The following ADAP1 variants were observed in gnomAD, a reference collection of about 807,000 sequenced individuals.
The protein encoded by ADAP1 is arf-GAP with dual PH domain-containing protein 1.
Under a neutral mutation model 54.9 loss-of-function variants are expected in ADAP1, and 31 were observed. The observed-to-expected ratio is 0.56, with a 90% CI of 0.42 to 0.76. The LOEUF (loss-of-function observed/expected upper bound fraction) is 0.76. ADAP1 is among the 30% of genes least tolerant of loss of function. The probability of loss-of-function intolerance (pLI) is 0.00; values close to 1 mark genes in which losing one functional copy is unlikely to be tolerated. For missense variants in ADAP1, 535 were observed against 512.4 expected (o/e 1.04, Z -0.42); for synonymous variants, 313 against 202.6 (o/e 1.55, Z -4.63).
chr7:924,140 G>A (rs373500900), intron 3 of ADAP1, among the ~76,000 whole-genome samples: 477 of 25,140 alleles, frequency 0.019, 2 homozygotes, highest in East Asian at 0.031. Flanking sequence ...CCCGCCCTCC[G>A]GGTTACACTG....
chr7:904,949 GGGCA>G (rs1404950684), intron 5 of ADAP1, 107 bp downstream of exon 5: 32 of 804,010 alleles, frequency 4.0e-5, no homozygotes, highest in Non-Finnish European at 5.8e-5. Flanking sequence ...CCATCGGGGG[GGGCA>G]GCAGGGAGGG....
At position 913,178 on chromosome 7, in the gene ADAP1, C is replaced by G. The variant is rs1466285586; in HGVS notation, c.388+6790G>C. Among the ~76,000 whole-genome samples, 8 of 149,482 alleles carry G rather than the reference C, an allele frequency of 5.4e-5. No individual in the cohort carries two copies. The East Asian group carries it at 1.6e-3, about 30-fold the overall frequency. On this transcript the variant is annotated intron_variant, in intron 4 of 10. Coordinates refer to ENST00000265846, the MANE Select transcript of ADAP1 (RefSeq NM_006869.4). ...ATTAACTGGAATTCGTGTGCAAAGG[C>G]TGCTGGCCTCCTCCCCTTCCTTTTT...
At chr7:902,471 AGAAAGAAAAGAAAGAAAG>A (rs1844867597) in intron 6 of ADAP1, among the ~76,000 whole-genome samples, 6 of 147,500 alleles carry the variant, frequency 4.1e-5, no homozygotes, top group African/African-American at 7.6e-5. Context: ...AAAAAAAAAA[AGAAAGAAAAGAAAGAAAG>A]AAAAATAAAT....
rs182396774 is a variant in ADAP1 at position 915,938 on chromosome 7, G to A, written c.388+4030C>T. ...CCGCGCCCACTTTCCACGAGATGCC[G>A]TCTGCCACCTGCCTGCAGAACCCAC... is the stretch of plus-strand genomic sequence containing the variant. On this transcript the variant is annotated intron_variant, in intron 4 of 10. Transcript: ENST00000265846. 3.6e-3 allele frequency among the ~76,000 whole-genome samples: 550 copies of A among 150,784 alleles called. 4 individuals carry two copies. The highest frequency in any genetic ancestry group is 6.2e-3 in the Non-Finnish European group (423 of 67,784).
chr7:904,024 C>CCTA, intron 6 of ADAP1, 102 bp downstream of exon 6: 1 of 1,476,120 alleles, frequency 6.8e-7, no homozygotes, highest in Non-Finnish European at 9.1e-7. Context: ...AGCTCAAGTG[C>CCTA]CTACCCTCCC....
chr7:904,851 G>A (rs1191037213), intron 5 of ADAP1, among the ~76,000 whole-genome samples: 3 of 152,232 alleles, frequency 2.0e-5, no homozygotes, highest in African/African-American at 7.2e-5. Flanking sequence ...CCAGGCTCCT[G>A]GAAAGCCTCA....
rs775986423 is a variant in ADAP1, at chr7:920,827, AG to A, written c.306-778del. 6.5e-6 allele frequency: 10 copies of A among 1,549,928 alleles called. No individual in the cohort carries two copies. In the South Asian group the frequency reaches 1.2e-4, roughly 18 times the overall value. On this transcript the variant is annotated intron_variant, in intron 3 of 10. Transcript: ENST00000265846. This position sits in a 1 kb window ranked among gnomAD's most constrained non-coding sequence, Gnocchi z 4.5. The stretch of plus-strand genomic sequence containing the variant: ...ATTGCAGAAACCACGACCCACACAC[AG>A]GCCCGGCACGGCCCAGGTGCACAGG...
chr7:937,128 CTG>C (rs1215337473), intron 1 of ADAP1, among the ~76,000 whole-genome samples: 1 of 108,086 alleles, frequency 9.3e-6, no homozygotes, highest in Non-Finnish European at 2.0e-5. Flanking sequence ...CGCCCGACCT[CTG>C]GGATTTGGGG....
chr7:917,791 G>A (rs565526108), intron 4 of ADAP1, among the ~76,000 whole-genome samples: 1 of 151,934 alleles, frequency 6.6e-6, no homozygotes, highest in South Asian at 2.1e-4. Context: ...TCTTGTTACA[G>A]ACACACTCTC....
chr7:945,904 G>A lies in ADAP1; in HGVS notation c.82+8492C>T. On this transcript the variant is annotated intron_variant, in intron 1 of 10. Transcript: ENST00000265846. The surrounding 1 kb of genome is among the most constrained non-coding windows in gnomAD (Gnocchi z 4.2). ...AAGCCAAGGCCCAGGCTGGGGCACG[G>A]GCAGGGGGAAGGGCAGTAGCCAAGC... is the stretch of plus-strand genomic sequence containing the variant. 1.1e-6 allele frequency: 1 copy of A among 889,352 alleles called. No individual in the cohort carries two copies. Among genetic ancestry groups the A allele is most frequent in the Admixed American group, 6.2e-5 (1 of 16,184 alleles). The allele number at this position is 889,352 out of a possible 1,614,324, so 55.1% of individuals were successfully genotyped here. A position where few individuals can be genotyped will look rare whatever the true frequency, so the allele number is the denominator to read the frequency against.
chr7:910,614 T>C (rs1845684259), intron 4 of ADAP1, among the ~76,000 whole-genome samples: 1 of 152,228 alleles, frequency 6.6e-6, no homozygotes, highest in Non-Finnish European at 1.5e-5. Context: ...GCAAAGTAGA[T>C]GTAAATCACA....
intron 2 of ADAP1, among the ~76,000 whole-genome samples, chr7:929,901 A>G (rs1167284376): frequency 6.6e-6 from 1 of 151,828 alleles, no homozygotes; most frequent in Non-Finnish European, 1.5e-5. Context: ...CCAGGAGTTC[A>G]AGACCAGCCT....
intron 1 of ADAP1, among the ~76,000 whole-genome samples, chr7:943,614 A>T (rs1338576638): frequency 1.5e-4 from 2 of 13,254 alleles, no homozygotes; most frequent in African/African-American, 1.8e-3. Flanking sequence ...AGGAAGGGAG[A>T]GAGGAGGAGG....
chr7:939,257 T>C (rs1846869882), intron 1 of ADAP1, among the ~76,000 whole-genome samples: 1 of 152,122 alleles, frequency 6.6e-6, no homozygotes, highest in Admixed American at 6.5e-5. Context: ...TTCGCTCTTG[T>C]TGTCCAGGCT....
At chr7:950,856 C>CAAAAAAAAAA (rs34720533) in intron 1 of ADAP1, among the ~76,000 whole-genome samples, 1 of 84,956 alleles carries the variant, frequency 1.2e-5, no homozygotes, top group Non-Finnish European at 2.2e-5. Flanking sequence ...GACTCCGTCT[C>CAAAAAAAAAA]AAAAAAAAAA....
chr7:928,250 C>A (rs1315167937), intron 2 of ADAP1, among the ~76,000 whole-genome samples: 1 of 151,988 alleles, frequency 6.6e-6, no homozygotes, highest in Non-Finnish European at 1.5e-5. Context: ...ACCTGTAATC[C>A]CAGCACTTTG....
At chr7:904,305 G>A (rs761431379) in intron 5 of ADAP1, 33 bp from the exon 6 acceptor site, 37 of 1,535,966 alleles carry the variant, frequency 2.4e-5, no homozygotes, top group Non-Finnish European at 5.3e-6. Flanking sequence ...CACCTCACAG[G>A]GGCCGTCGTC....
rs1395833822 is a variant in ADAP1, at chr7:926,146, C to G, written c.305+407G>C. On this transcript the variant is annotated intron_variant, in intron 3 of 10. Coordinates refer to ENST00000265846, the MANE Select transcript of ADAP1 (RefSeq NM_006869.4). The surrounding 1 kb of genome is among the most constrained non-coding windows in gnomAD (Gnocchi z 4.6). ...TCAGAGGACTGGGTCTCAGGCTTCCCCAACCGGCCACCGGTACCCACGTCC... is the reference window on the plus strand; with the variant it reads ...TCAGAGGACTGGGTCTCAGGCTTCCGCAACCGGCCACCGGTACCCACGTCC... Among the ~76,000 whole-genome samples, 1 of 152,034 alleles carries G rather than the reference C, an allele frequency of 6.6e-6. No homozygotes were observed. Among genetic ancestry groups the G allele is most frequent in the East Asian group, 1.9e-4 (1 of 5,166 alleles).
rs3779610 is a variant in ADAP1, at chr7:932,611, A to G, written c.213+2764T>C. On this transcript the variant is annotated intron_variant, in intron 2 of 10. Transcript: ENST00000265846. Reference sequence around the variant, plus strand: ...GGATGGTCCAGGGGCCACCCTGCCCATTTTTTAGGGAAGGAAACGGAGGCT... The same window carrying G: ...GGATGGTCCAGGGGCCACCCTGCCCGTTTTTTAGGGAAGGAAACGGAGGCT... 4.7e-3 allele frequency among the ~76,000 whole-genome samples: 715 copies of G among 152,040 alleles called. 14 individuals are homozygous for G. The East Asian group carries it at 0.048, about 10-fold the overall frequency.
Sources: gnomAD v4.1 joint callset for allele counts (sites outside exome capture counted in the v4.1 genomes callset) on GRCh38, gnomAD v4.1.1 for gene constraint, Gnocchi (gnomAD v3.1) non-coding constraint, MANE v1.5 for transcripts, NCBI Gene and HGNC (gene_info 2026-07-23, HGNC 2026-07-21) for gene names.